RFX2: variants seen among roughly 807,000 people sequenced by gnomAD.
The protein encoded by RFX2 is regulatory factor X2, also known as DNA-binding protein RFX2.
Under a neutral mutation model 87.8 loss-of-function variants are expected in RFX2, and 20 were observed. The ratio of observed to expected loss-of-function variants is 0.23; its 90% confidence interval spans 0.16 to 0.33. The LOEUF is 0.33. RFX2 is among the 10% of genes least tolerant of loss of function. The pLI is 1.00. For missense variants in RFX2, 767 were observed against 1,012.3 expected, an observed-to-expected ratio of 0.76 and a Z score of 3.29; for synonymous variants, 397 against 431.3, an observed-to-expected ratio of 0.92 and a Z score of 0.98.
chr19:6,088,296 T>C (rs2087885637), intron 1 of RFX2, among the ~76,000 whole-genome samples: 2 of 144,780 alleles, frequency 1.4e-5, no homozygotes, highest in Non-Finnish European at 3.0e-5. Context: ...CTCGGCTCAC[T>C]GCAACCTCCG....
chr19:6,092,610 G>A (rs2087953850), intron 1 of RFX2, among the ~76,000 whole-genome samples: 1 of 152,126 alleles, frequency 6.6e-6, no homozygotes, highest in Non-Finnish European at 1.5e-5. Flanking sequence ...CTCCCCAAGA[G>A]GCACACGCGA....
intron 1 of RFX2, among the ~76,000 whole-genome samples, chr19:6,087,657 C>G (rs922694228): frequency 6.6e-6 from 1 of 152,086 alleles, no homozygotes; most frequent in African/African-American, 2.4e-5. Context: ...GTCAGTAATT[C>G]CTAGCAATGC....
chr19:6,063,100 G>T lies in RFX2; in HGVS notation c.-8-15596C>A, dbSNP rs1051914791. On this transcript the variant is annotated intron_variant, in intron 1 of 17. Coordinates refer to ENST00000303657, the MANE Select transcript of RFX2 (RefSeq NM_000635.4). This position sits in a 1 kb window ranked among gnomAD's most constrained non-coding sequence, Gnocchi z 4.0. Reference sequence around the variant, plus strand: ...CCGCTCTCGCTCTTGCTCCTAGGCCGCCTTCTCCCTCATGCATCCAGCTAC... The same window carrying T: ...CCGCTCTCGCTCTTGCTCCTAGGCCTCCTTCTCCCTCATGCATCCAGCTAC... 2.6e-5 allele frequency among the ~76,000 whole-genome samples: 4 copies of T among 152,064 alleles called. No individual in the cohort carries two copies. The highest frequency in any genetic ancestry group is 9.7e-5 in the African/African-American group (4 of 41,398).
chr19:6,003,018 A>T, intron 13 of RFX2, 148 bp from the exon 14 acceptor site: 3 of 858,392 alleles, frequency 3.5e-6, no homozygotes, highest in Non-Finnish European at 5.3e-6. Context: ...ACCTCCTGCT[A>T]TTCTTAAGGA....
intron 16 of RFX2, 82 bp from the exon 17 acceptor site, chr19:5,995,725 C>T: frequency 7.7e-7 from 1 of 1,296,562 alleles, no homozygotes; most frequent in Non-Finnish European, 1.1e-6. Flanking sequence ...CCGGCCCAAC[C>T]TTGCCTTGAG....
rs1199197407 is a variant in RFX2, at chr19:6,040,114, G to C, written c.388C>G (p.His130Asp). 1 of 1,611,328 alleles carries C rather than the reference G, an allele frequency of 6.2e-7. No individual in the cohort carries two copies. Among genetic ancestry groups the C allele is most frequent in the Non-Finnish European group, 8.5e-7 (1 of 1,178,880 alleles). ...AASSPPAVPS[H>D]SMVGITMDVG... The stretch of plus-strand genomic sequence containing the variant: ...TCCATGGTGATGCCCACCATGCTGT[G>C]GGAGGGGACCGCTGGCGGGGACGAG... Residue 130 changes from histidine to aspartate, a missense_variant, in exon 5 of 18, where the codon CAC becomes GAC. Transcript: ENST00000303657. The surrounding 1 kb of genome is among the most constrained non-coding windows in gnomAD (Gnocchi z 6.1).
chr19:6,043,453 G>A (rs138917096), intron 3 of RFX2, among the ~76,000 whole-genome samples: 2 of 152,386 alleles, frequency 1.3e-5, no homozygotes, highest in African/African-American at 4.8e-5. Flanking sequence ...GCTCCTTTTA[G>A]GGAGGAGCCT....
At chr19:6,068,584 G>C (rs896830396) in intron 1 of RFX2, among the ~76,000 whole-genome samples, 3 of 152,210 alleles carry the variant, frequency 2.0e-5, no homozygotes, top group Non-Finnish European at 2.9e-5. Flanking sequence ...AAAGAGATGA[G>C]GAAGGTGTGG....
In RFX2 at chr19:6,026,612, C is replaced by A. The variant is rs531187225; in HGVS notation, c.523-375G>T. On this transcript the variant is annotated intron_variant, in intron 5 of 17. Transcript: ENST00000303657. The surrounding 1 kb of genome is among the most constrained non-coding windows in gnomAD (Gnocchi z 4.5). ...AAGCCAGCATCATAGTCACCTGCTC[C>A]TTTCCCCACGCCACATCGATGGGGA... is the stretch of plus-strand genomic sequence containing the variant. 3.8e-6 allele frequency: 1 copy of A among 265,492 alleles called. No individual in the cohort carries two copies. The highest frequency in any genetic ancestry group is 7.3e-6 in the Non-Finnish European group (1 of 136,936). 16.4% of individuals were successfully genotyped at this position (265,492 alleles called of 1,614,324 possible). A position where few individuals can be genotyped will look rare whatever the true frequency, so the allele number is the denominator to read the frequency against.
rs1005751689 is a variant in RFX2, at chr19:6,074,457, T to C, written c.-8-26953A>G. 2.0e-5 allele frequency among the ~76,000 whole-genome samples: 3 copies of C among 152,126 alleles called. No individual in the cohort carries two copies. Among genetic ancestry groups the C allele is most frequent in the Admixed American group, 1.3e-4 (2 of 15,280 alleles). ...GGGGCTGGGGCTTGAAGGGTGCCCA[T>C]AACACACTCCCTCAGAGCCTGGACA... On this transcript the variant is annotated intron_variant, in intron 1 of 17. Coordinates refer to ENST00000303657, the MANE Select transcript of RFX2 (RefSeq NM_000635.4). This position sits in a 1 kb window ranked among gnomAD's most constrained non-coding sequence, Gnocchi z 5.2.
At chr19:6,006,021 G>A (rs10411237) in intron 12 of RFX2, among the ~76,000 whole-genome samples, 15,181 of 152,208 alleles carry the variant, frequency 0.1, 2,512 homozygotes, top group African/African-American at 0.34. Flanking sequence ...AGAAAGCACC[G>A]AGCCCAGCCC....
At chr19:6,035,980 G>A (rs1342204443) in intron 5 of RFX2, among the ~76,000 whole-genome samples, 1 of 152,036 alleles carries the variant, frequency 6.6e-6, no homozygotes. Flanking sequence ...CCAGGGTGGT[G>A]GCCCAGGGTC....
chr19:6,042,521 G>GT (rs957430286), intron 3 of RFX2, among the ~76,000 whole-genome samples: 34 of 151,464 alleles, frequency 2.2e-4, no homozygotes, highest in African/African-American at 8.2e-4. Context: ...TTGTTTGTTT[G>GT]TTTTTTTGCG....
At chr19:6,035,850 G>GTGTGTGTGTGTGTGTGT (rs1555776253) in intron 5 of RFX2, among the ~76,000 whole-genome samples, 1 of 137,166 alleles carries the variant, frequency 7.3e-6, no homozygotes, top group Non-Finnish European at 1.5e-5. Context: ...CTTGGTGGGG[G>GTGTGTGTGTGTGTGTGT]GTGTGTGTGT....
chr19:6,036,374 C>T (rs1389048199), intron 5 of RFX2, among the ~76,000 whole-genome samples: 2 of 152,136 alleles, frequency 1.3e-5, no homozygotes, highest in Non-Finnish European at 2.9e-5. Context: ...GCATGGGGCA[C>T]TACGCCTGTC....
chr19:6,019,904 A>C (rs2086786706), intron 6 of RFX2: 1 of 152,294 alleles, frequency 6.6e-6, no homozygotes, highest in South Asian at 2.1e-4. Flanking sequence ...GATCCTGGAG[A>C]TGTCTCAAGC....
In RFX2 at chr19:6,101,640, A is replaced by G. The variant is rs2088128757; in HGVS notation, c.-9+8753T>C. 6.6e-6 allele frequency among the ~76,000 whole-genome samples: 1 copy of G among 152,242 alleles called. No individual in the cohort carries two copies. Among genetic ancestry groups the G allele is most frequent in the South Asian group, 2.1e-4 (1 of 4,834 alleles). ...ATTGGTATAATTTCAACAGTTTTCC[A>G]GGAGACAGGCGTTCATGAGTCAAGC... On this transcript the variant is annotated intron_variant, in intron 1 of 17. Transcript: ENST00000303657. The surrounding 1 kb of genome is among the most constrained non-coding windows in gnomAD (Gnocchi z 4.9).
intron 1 of RFX2, chr19:6,073,011 A>G: frequency 1.9e-6 from 1 of 536,512 alleles, no homozygotes; most frequent in Non-Finnish European, 3.4e-6. Context: ...ACAGAGTCTC[A>G]CTCTGTTGTG....
At position 6,001,824 on chromosome 19, in the gene RFX2, G is replaced by C. The variant is rs1266308134; in HGVS notation, c.1850C>G (p.Ser617Cys). The C allele has an allele frequency of 1.2e-6, 2 of 1,609,266 alleles. No homozygotes were observed. Among genetic ancestry groups the C allele is most frequent in the African/African-American group, 2.7e-5 (2 of 74,880 alleles). Reference sequence around the variant, plus strand: ...GTCTGGTGGGACTAACCTGTAAAAGGACCATTTCAGCAAGAACTGCCGGGC... The same window carrying C: ...GTCTGGTGGGACTAACCTGTAAAAGCACCATTTCAGCAAGAACTGCCGGGC... ...KAARQFLLKW[S>C]FYSSMVIRDL... Residue 617 changes from serine (S) to cysteine (C), a missense_variant, in exon 15 of 18, where the codon TCC becomes TGC. Transcript: ENST00000303657. This position sits in a 1 kb window ranked among gnomAD's most constrained non-coding sequence, Gnocchi z 5.6.
Sources: allele counts gnomAD v4.1 joint callset (sites outside exome capture counted in the v4.1 genomes callset), GRCh38; gene constraint gnomAD v4.1.1; non-coding constraint Gnocchi (gnomAD v3.1); transcripts MANE v1.5; gene names NCBI Gene and HGNC (gene_info 2026-07-23, HGNC 2026-07-21).